Variants in UTP20 observed in about 807,000 individuals in gnomAD.
The protein encoded by UTP20 is small subunit processome component 20 homolog.
UTP20 carries 164 observed loss-of-function variants against 329.5 expected under a neutral mutation model. The ratio of observed to expected loss-of-function variants is 0.50; its 90% CI spans 0.44 to 0.57. The LOEUF (loss-of-function observed/expected upper bound fraction) is 0.57, where lower values mean the gene tolerates loss of function less well. Among genes scored for constraint, UTP20 ranks in the 20% least tolerant of loss-of-function variants. The pLI is 0.00. For missense variants in UTP20, 3,055 were observed against 3,284.2 expected (o/e 0.93, Z 1.71); for synonymous variants, 1,151 against 1,159.3 (o/e 0.99, Z 0.14).
chr12:101,295,516 T>C lies in UTP20; in HGVS notation c.1288T>C (p.Cys430Arg). The C allele has an allele frequency of 1.2e-6, 2 of 1,610,328 alleles. No individual in the cohort carries two copies. The highest frequency in any genetic ancestry group is 1.7e-6 in the Non-Finnish European group (2 of 1,178,276). Residue 430 changes from cysteine to arginine, a missense_variant, in exon 12 of 62, where the codon TGC becomes CGC. Coordinates refer to ENST00000261637, the MANE Select transcript of UTP20 (RefSeq NM_014503.3). ...LPSFLSYIVNCFLIDDAVVKD... is the reference protein window; with the variant it reads ...LPSFLSYIVNRFLIDDAVVKD... Reference sequence around the variant, plus strand: ...AAGCTTTCTGTCATATATTGTGAATTGCTTCTTAATTGATGATGCTGTAGT... The same window carrying C: ...AAGCTTTCTGTCATATATTGTGAATCGCTTCTTAATTGATGATGCTGTAGT...
chr12:101,373,539 G>C, intron 53 of UTP20, 46 bp from the exon 54 acceptor site: 1 of 1,612,842 alleles, frequency 6.2e-7, no homozygotes, highest in African/African-American at 1.3e-5. Context: ...TAGAGCATCT[G>C]TAGGAATTCC....
intron 55 of UTP20, 59 bp downstream of exon 55, chr12:101,374,998 T>A: frequency 7.9e-7 from 1 of 1,260,758 alleles, no homozygotes; most frequent in Non-Finnish European, 1.2e-6. Context: ...TGAGGTGATG[T>A]AGCTAACAGA....
At chr12:101,286,656 A>C (rs753011129) in intron 5 of UTP20, 147 bp downstream of exon 5, 10 of 593,590 alleles carry the variant, frequency 1.7e-5, no homozygotes, top group Non-Finnish European at 2.6e-5. Flanking sequence ...TCCACAATCT[A>C]GTCTGCCAGT....
intron 45 of UTP20, 70 bp downstream of exon 45, chr12:101,363,813 G>T: frequency 9.8e-7 from 1 of 1,017,422 alleles, no homozygotes. Flanking sequence ...GGAACCATGC[G>T]GGGCAAACTG....
In UTP20 at chr12:101,383,531, CTG is replaced by C; in HGVS notation, c.7930-10_7930-9del. On this transcript the variant is annotated splice_polypyrimidine_tract_variant and intron_variant, in intron 59 of 61. Coordinates refer to ENST00000261637, the MANE Select transcript of UTP20 (RefSeq NM_014503.3). ...AAGTCTTTCAAATGAAAAAAATGATCTGTACTTTCAGAGAACATGCATCTTTA... is the reference window on the plus strand; with the variant it reads ...AAGTCTTTCAAATGAAAAAAATGATCTACTTTCAGAGAACATGCATCTTTA... The C allele has an allele frequency of 3.1e-6, 5 of 1,609,258 alleles. No individual in the cohort carries two copies. Among genetic ancestry groups the C allele is most frequent in the Non-Finnish European group, 4.2e-6 (5 of 1,178,144 alleles).
At chr12:101,326,908 G>A (rs935653098) in intron 25 of UTP20, 173 bp from the exon 26 acceptor site, 1 of 695,860 alleles carries the variant, frequency 1.4e-6, no homozygotes, top group Non-Finnish European at 2.2e-6. Flanking sequence ...TTATTTTGTT[G>A]TTGACTTTTT....
intron 21 of UTP20, among the ~76,000 whole-genome samples, chr12:101,315,427 T>A (rs1347359093): frequency 6.6e-6 from 1 of 151,208 alleles, no homozygotes; most frequent in Non-Finnish European, 1.5e-5. Context: ...GAGGTTGCAA[T>A]GAGCTGAGAT....
intron 25 of UTP20, among the ~76,000 whole-genome samples, chr12:101,322,198 C>T (rs532653862): frequency 1.2e-4 from 18 of 152,040 alleles, no homozygotes; most frequent in Non-Finnish European, 2.2e-4. Context: ...CCATGTTGGC[C>T]AGGCTGGTCT....
intron 22 of UTP20, among the ~76,000 whole-genome samples, chr12:101,319,284 T>G (rs1203361748): frequency 1.3e-5 from 2 of 152,230 alleles, no homozygotes; most frequent in Non-Finnish European, 2.9e-5. Flanking sequence ...TTCTAATTTT[T>G]GTTCAATTTA....
chr12:101,308,714 G>A (rs1273324473), intron 18 of UTP20, among the ~76,000 whole-genome samples: 1 of 148,792 alleles, frequency 6.7e-6, no homozygotes, highest in Admixed American at 6.8e-5. Context: ...GTTTGCTGCT[G>A]CAGAACATCA....
intron 38 of UTP20, among the ~76,000 whole-genome samples, chr12:101,347,834 A>G (rs554075657): frequency 2.0e-5 from 3 of 152,122 alleles, no homozygotes; most frequent in African/African-American, 7.2e-5. Context: ...TTCACATGGT[A>G]TCTCCTTTTT....
intron 46 of UTP20, 52 bp from the exon 47 acceptor site, chr12:101,366,506 G>T: frequency 6.4e-7 from 1 of 1,559,510 alleles, no homozygotes; most frequent in Non-Finnish European, 8.7e-7. Context: ...TAACTTCTTG[G>T]AATGCAGCTG....
In UTP20 at chr12:101,299,739, A is replaced by G. The variant is rs756286496; in HGVS notation, c.1488A>G (p.Val496=). 1 of 1,612,762 alleles carries G rather than the reference A, an allele frequency of 6.2e-7. No homozygotes were observed. The highest frequency in any genetic ancestry group is 1.3e-5 in the African/African-American group (1 of 74,874). ...AGGGAAGAAACGAACAGTTTCCAGT[A>G]TTGGACCATCTTTTATCTATAATTA... ...RSKGRNEQFP[V]LDHLLSIIKL... is the part of the protein sequence containing the mutation. The change falls in exon 13 of 62, where the codon GTA becomes GTG. Residue 496 remains valine (V), a synonymous_variant. Coordinates refer to ENST00000261637, the MANE Select transcript of UTP20 (RefSeq NM_014503.3).
chr12:101,322,896 T>C (rs1382189164), intron 25 of UTP20, among the ~76,000 whole-genome samples: 3 of 152,198 alleles, frequency 2.0e-5, no homozygotes, highest in Non-Finnish European at 4.4e-5. Context: ...AATCATCTTA[T>C]ATCCAAACAC....
At chr12:101,301,879 T>C (rs980364149) in intron 14 of UTP20, among the ~76,000 whole-genome samples, 2 of 152,178 alleles carry the variant, frequency 1.3e-5, no homozygotes, top group African/African-American at 4.8e-5. Flanking sequence ...GGTACTCATT[T>C]TGGTTAATGG....
At chr12:101,377,069 C>G (rs1302973186) in intron 56 of UTP20, among the ~76,000 whole-genome samples, 2 of 152,206 alleles carry the variant, frequency 1.3e-5, no homozygotes, top group Admixed American at 6.5e-5. Context: ...GCATGAGCCA[C>G]TGTGCCCAGC....
chr12:101,306,685 T>G lies in UTP20; in HGVS notation c.1933-14T>G. On this transcript the variant is annotated splice_polypyrimidine_tract_variant and intron_variant, in intron 16 of 61. Transcript: ENST00000261637. Reference sequence around the variant, plus strand: ...AAACTTTGGAATTTGAAAGATGCCTTTTACTTTCTCCAGATTCGGCTTTTG... The same window carrying G: ...AAACTTTGGAATTTGAAAGATGCCTGTTACTTTCTCCAGATTCGGCTTTTG... The G allele has an allele frequency of 6.3e-7, 1 of 1,597,546 alleles. No individual in the cohort carries two copies. Among genetic ancestry groups the G allele is most frequent in the Non-Finnish European group, 8.5e-7 (1 of 1,172,814 alleles).
Position 101,293,345 on chromosome 12 carries a change from G to A in UTP20, c.1251+100G>A, listed in dbSNP as rs1872235069. 4 of 1,085,048 alleles carry A rather than the reference G, an allele frequency of 3.7e-6. No individual in the cohort carries two copies. The African/African-American group carries it at 6.2e-5, about 17-fold the overall frequency. 67.2% of individuals were successfully genotyped at this position (1,085,048 alleles called of 1,614,324 possible). A position where few individuals can be genotyped will look rare whatever the true frequency, so the allele number is the denominator to read the frequency against. ...GTTATTTCTGTTTGTTTTTTGAGAG[G>A]AACAGGATAAGTGCTTGATGTTTTA... is the stretch of plus-strand genomic sequence containing the variant. On this transcript the variant is annotated intron_variant, in intron 11 of 61. Coordinates refer to ENST00000261637, the MANE Select transcript of UTP20 (RefSeq NM_014503.3).
chr12:101,325,313 A>G (rs769193452), intron 25 of UTP20, among the ~76,000 whole-genome samples: 27 of 152,204 alleles, frequency 1.8e-4, no homozygotes, highest in Non-Finnish European at 1.5e-5. Flanking sequence ...ATTTGGTCTC[A>G]TCTCAAATGT....
Sources: allele counts gnomAD v4.1 joint callset (sites outside exome capture counted in the v4.1 genomes callset), GRCh38; gene constraint gnomAD v4.1.1; transcripts MANE v1.5; gene names NCBI Gene and HGNC (gene_info 2026-07-23, HGNC 2026-07-21).